The following TENM3 variants were observed in gnomAD, a reference collection of about 807,000 sequenced individuals.
TENM3 encodes the protein teneurin-3.
Under a neutral mutation model 255.1 loss-of-function variants are expected in TENM3, and 63 were observed. The observed-to-expected ratio is 0.25, with a 90% CI of 0.20 to 0.30. The LOEUF (loss-of-function observed/expected upper bound fraction) is 0.30, where lower values mean the gene tolerates loss of function less well. Ranked by LOEUF, TENM3 falls within the 10% of genes least tolerant of loss-of-function variation. The pLI is 1.00. For synonymous variants in TENM3, 1,306 were observed against 1,322.3 expected (o/e 0.99, Z 0.27); for missense variants, 2,929 against 3,461.1 (o/e 0.85, Z 3.86).
the TENM3 span, among the ~76,000 whole-genome samples, chr4:181,759,567 T>C: frequency 1.3e-5 from 2 of 152,118 alleles, no homozygotes. Context: ...TAAATGTATT[T>C]GCACCAAGCA....
chr4:181,521,275 T>C, the TENM3 span, among the ~76,000 whole-genome samples: 1 of 152,254 alleles, frequency 6.6e-6, no homozygotes, highest in Non-Finnish European at 1.5e-5. Flanking sequence ...AGCTTCTTCA[T>C]TCAGATGAGG....
chr4:182,095,109 C>G, the TENM3 span, among the ~76,000 whole-genome samples: 728 of 152,270 alleles, frequency 4.8e-3, no homozygotes, highest in Non-Finnish European at 8.6e-3. Context: ...ACGTGGAAAA[C>G]AGTATGGAGA....
chr4:181,707,225 C>G, the TENM3 span, among the ~76,000 whole-genome samples: 1 of 152,112 alleles, frequency 6.6e-6, no homozygotes, highest in Non-Finnish European at 1.5e-5. Context: ...AATCTAAAAA[C>G]AAAACAAAAC....
intron 12 of TENM3, among the ~76,000 whole-genome samples, chr4:182,692,052 G>C (rs1287267179): frequency 6.6e-6 from 1 of 152,154 alleles, no homozygotes; most frequent in East Asian, 1.9e-4. Flanking sequence ...TAAATATAAT[G>C]AAATGTTTTT....
At chr4:182,733,749 A>G (rs1760956184) in intron 16 of TENM3, among the ~76,000 whole-genome samples, 2 of 152,224 alleles carry the variant, frequency 1.3e-5, no homozygotes, top group Admixed American at 1.3e-4. Context: ...GGTCAAGCCA[A>G]CTTTGAGCTG....
chr4:182,650,635 T>C lies in TENM3; in HGVS notation c.989-3136T>C, dbSNP rs1280274198. On this transcript the variant is annotated intron_variant, in intron 5 of 27. Transcript: ENST00000511685. ...GTCTCTCTCTCTCCTCTCTCTAACT[T>C]TGGAGAGTCAGCCCCACTACCACCC... Among the ~76,000 whole-genome samples the C allele has an allele frequency of 1.0e-4, 15 of 149,058 alleles. 1 individual carries two copies. Among genetic ancestry groups the C allele is most frequent in the Admixed American group, 6.8e-5 (1 of 14,806 alleles).
rs536541478 is a variant in TENM3 at position 182,610,532 on chromosome 4, C to A, written c.749+9371C>A. On this transcript the variant is annotated intron_variant, in intron 4 of 27. Coordinates refer to ENST00000511685, the MANE Select transcript of TENM3 (RefSeq NM_001080477.4). ...CCCACCTCTGACAAAAAAATAAAAA[C>A]CTTAACCAGGTTTGGTAGCATGTGC... Among the ~76,000 whole-genome samples the A allele has an allele frequency of 2.6e-4, 40 of 152,084 alleles. 1 individual carries two copies. Among genetic ancestry groups the A allele is most frequent in the African/African-American group, 9.2e-4 (38 of 41,524 alleles).
the TENM3 span, among the ~76,000 whole-genome samples, chr4:181,939,735 C>T: frequency 1.3e-5 from 2 of 152,170 alleles, no homozygotes; most frequent in Non-Finnish European, 2.9e-5. Context: ...TGGCAGGGGC[C>T]AGGGTGAGTG....
chr4:182,270,740 G>T (rs550610253), intron 1 of TENM3, among the ~76,000 whole-genome samples: 1 of 152,328 alleles, frequency 6.6e-6, no homozygotes, highest in South Asian at 2.1e-4. Context: ...GGAAATGTTT[G>T]TGTATAACCT....
chr4:182,243,250 G>T (rs1757399103), upstream of TENM3, among the ~76,000 whole-genome samples: 1 of 152,190 alleles, frequency 6.6e-6, no homozygotes, highest in Non-Finnish European at 1.5e-5. Context: ...GAGTAGCTGG[G>T]ATTACAGGCA....
intron 4 of TENM3, among the ~76,000 whole-genome samples, chr4:182,618,823 G>A (rs565272812): frequency 6.6e-6 from 1 of 152,122 alleles, no homozygotes; most frequent in South Asian, 2.1e-4. Context: ...TGCTAAGCAG[G>A]TTAAAAGAAG....
chr4:181,746,263 AAAG>A, the TENM3 span, among the ~76,000 whole-genome samples: 1 of 152,122 alleles, frequency 6.6e-6, no homozygotes, highest in Admixed American at 6.6e-5. Flanking sequence ...GTGAGTGGTT[AAAG>A]AAGAGTGGAG....
chr4:182,554,640 T>A (rs1742405114), intron 3 of TENM3, among the ~76,000 whole-genome samples: 1 of 152,182 alleles, frequency 6.6e-6, no homozygotes, highest in African/African-American at 2.4e-5. Context: ...GTTTTACAGA[T>A]GAAAAATATG....
intron 9 of TENM3, 85 bp downstream of exon 9, chr4:182,680,434 GAA>G: frequency 1.1e-6 from 1 of 873,094 alleles, no homozygotes; most frequent in Non-Finnish European, 1.8e-6. Flanking sequence ...AGACAGGAAA[GAA>G]AGGGGGGGGG....
intron 11 of TENM3, among the ~76,000 whole-genome samples, chr4:182,682,294 C>T (rs1318675711): frequency 6.6e-6 from 1 of 152,130 alleles, no homozygotes; most frequent in Non-Finnish European, 1.5e-5. Context: ...ATTTATGGAA[C>T]TACTAACCAA....
chr4:181,854,936 G>C, the TENM3 span, among the ~76,000 whole-genome samples: 1 of 152,130 alleles, frequency 6.6e-6, no homozygotes, highest in Admixed American at 6.6e-5. Context: ...GGCAAGAATG[G>C]ATTTTTTTTT....
At chr4:182,251,197 C>G (rs1383639266) in intron 1 of TENM3, among the ~76,000 whole-genome samples, 1 of 152,208 alleles carries the variant, frequency 6.6e-6, no homozygotes, top group African/African-American at 2.4e-5. Context: ...GGGCTGGGCA[C>G]AGTGGCTCAT....
chr4:181,673,235 CAT>C, the TENM3 span, among the ~76,000 whole-genome samples: 42,345 of 151,430 alleles, frequency 0.28, 6,361 homozygotes, highest in African/African-American at 0.39. Flanking sequence ...GTGTCGCAAA[CAT>C]ATTTCTATGG....
At chr4:181,621,965 C>T in the TENM3 span, among the ~76,000 whole-genome samples, 1 of 152,170 alleles carries the variant, frequency 6.6e-6, no homozygotes. Context: ...CAAGTTAATT[C>T]ACCTGACATA....
Sources: gnomAD v4.1 joint callset for allele counts (sites outside exome capture counted in the v4.1 genomes callset) on GRCh38, gnomAD v4.1.1 for gene constraint, MANE v1.5 for transcripts, NCBI Gene and HGNC (gene_info 2026-07-23, HGNC 2026-07-21) for gene names.